The following FHIT variants were observed in gnomAD, a reference collection of about 807,000 sequenced individuals.
FHIT encodes fragile histidine triad diadenosine triphosphatase.
In FHIT, 19 loss-of-function variants were observed where a neutral mutation model predicts 17.9. The ratio of observed to expected loss-of-function variants is 1.06; its 90% CI spans 0.74 to 1.56. The LOEUF is 1.56. Ranked by LOEUF, FHIT falls within the 40% of genes most tolerant of loss-of-function variation. The probability of loss-of-function intolerance (pLI) is 0.00; values close to 1 mark genes in which losing one functional copy is unlikely to be tolerated. For missense variants in FHIT, 248 were observed against 189.2 expected, an observed-to-expected ratio of 1.31 and a Z score of -1.82; for synonymous variants, 81 against 69.7, an observed-to-expected ratio of 1.16 and a Z score of -0.81.
At chr3:61,027,251 A>G (rs1418061358) in intron 3 of FHIT, among the ~76,000 whole-genome samples, 2 of 151,918 alleles carry the variant, frequency 1.3e-5, no homozygotes, top group Non-Finnish European at 2.9e-5. Flanking sequence ...CATACCTGGC[A>G]AATTTTTGTA....
intron 5 of FHIT, among the ~76,000 whole-genome samples, chr3:60,083,270 T>G (rs1354558761): frequency 6.6e-6 from 1 of 152,042 alleles, no homozygotes; most frequent in Non-Finnish European, 1.5e-5. Context: ...CAGTTGGAGG[T>G]GTGAGGTTTT....
chr3:59,915,255 C>T (rs745954177), intron 8 of FHIT, among the ~76,000 whole-genome samples: 7 of 152,130 alleles, frequency 4.6e-5, no homozygotes, highest in Admixed American at 2.0e-4. Flanking sequence ...ACAAGAAAGC[C>T]TGATTCGTGA....
chr3:60,533,791 A>C (rs530184474), intron 5 of FHIT, among the ~76,000 whole-genome samples: 1 of 152,316 alleles, frequency 6.6e-6, no homozygotes, highest in African/African-American at 2.4e-5. Flanking sequence ...CTTAAAAACT[A>C]TTCTAAGGAA....
At chr3:60,386,712 A>G (rs185471115) in intron 5 of FHIT, among the ~76,000 whole-genome samples, 55 of 152,316 alleles carry the variant, frequency 3.6e-4, no homozygotes, top group African/African-American at 1.1e-3. Context: ...TCAGTACTCT[A>G]CCTGCAAAAG....
In FHIT at chr3:59,747,394, T is replaced by C. The variant is rs550966696; in HGVS notation, c.*2191A>G. On this transcript the variant is annotated 3_prime_UTR_variant, in exon 10 of 10. Coordinates refer to ENST00000492590, the MANE Select transcript of FHIT (RefSeq NM_002012.4). ...CAGCGTATTCAGGGGAAATGTCCTT[T>C]ATAAAACCATCACTATCAATCATGA... 1.3e-5 allele frequency among the ~76,000 whole-genome samples: 2 copies of C among 152,020 alleles called. No individual in the cohort carries two copies. The highest frequency in any genetic ancestry group is 2.1e-4 in the South Asian group (1 of 4,818).
chr3:59,757,204 C>G (rs550137769), intron 8 of FHIT, among the ~76,000 whole-genome samples: 1 of 152,194 alleles, frequency 6.6e-6, no homozygotes, highest in Non-Finnish European at 1.5e-5. Context: ...AAGTGCACGC[C>G]AAAGTGACAA....
chr3:60,524,626 G>A lies in FHIT; in HGVS notation c.103+12234C>T, dbSNP rs139154217. ...TGCTGTCATGGTTTTGGAGGCCAGC[G>A]TGGCATCCAGGTGTCAGCAGGGCCA... On this transcript the variant is annotated intron_variant, in intron 5 of 9. Transcript: ENST00000492590. Among the ~76,000 whole-genome samples the A allele has an allele frequency of 4.1e-3, 627 of 152,276 alleles. 3 individuals carry two copies. The highest frequency in any genetic ancestry group is 0.014 in the African/African-American group (602 of 41,540).
At chr3:61,056,816 C>A (rs1273013160) in intron 2 of FHIT, among the ~76,000 whole-genome samples, 2 of 152,156 alleles carry the variant, frequency 1.3e-5, no homozygotes, top group East Asian at 3.8e-4. Context: ...TCTGCATCAG[C>A]TACATAGCAC....
intron 4 of FHIT, among the ~76,000 whole-genome samples, chr3:60,723,566 G>T (rs2041855154): frequency 1.3e-5 from 2 of 152,172 alleles, no homozygotes; most frequent in African/African-American, 4.8e-5. Context: ...CAAACTTGTT[G>T]TCGCAGCTTG....
intron 3 of FHIT, among the ~76,000 whole-genome samples, chr3:60,848,705 G>A (rs1703024625): frequency 6.6e-6 from 1 of 152,144 alleles, no homozygotes; most frequent in Admixed American, 6.5e-5. Flanking sequence ...TTGTTATAAA[G>A]ATGAAATGAG....
intron 3 of FHIT, among the ~76,000 whole-genome samples, chr3:60,907,172 C>A (rs1553764775): frequency 6.6e-6 from 1 of 152,006 alleles, no homozygotes; most frequent in Non-Finnish European, 1.5e-5. Flanking sequence ...AATGGAGTGA[C>A]CTGAAGAATA....
chr3:60,393,423 A>G (rs1263155763), intron 5 of FHIT, among the ~76,000 whole-genome samples: 1 of 149,520 alleles, frequency 6.7e-6, no homozygotes, highest in African/African-American at 2.4e-5. Context: ...ATAATATATA[A>G]TTTTACATAT....
intron 5 of FHIT, among the ~76,000 whole-genome samples, chr3:60,395,781 C>T (rs985266611): frequency 5.9e-5 from 9 of 152,150 alleles, no homozygotes; most frequent in African/African-American, 1.7e-4. Context: ...CTTGGCATCA[C>T]CAAAGAAATG....
At chr3:61,139,362 T>G (rs1160624322) in intron 2 of FHIT, among the ~76,000 whole-genome samples, 1 of 152,164 alleles carries the variant, frequency 6.6e-6, no homozygotes, top group Non-Finnish European at 1.5e-5. Context: ...AGTACATCTT[T>G]GCTATGAACT....
intron 8 of FHIT, among the ~76,000 whole-genome samples, chr3:59,818,250 CG>C (rs780577072): frequency 1.3e-5 from 2 of 152,130 alleles, no homozygotes; most frequent in African/African-American, 2.4e-5. Context: ...CCTCGGCCCA[CG>C]TGGGGCTGTG....
At chr3:60,596,650 G>C (rs1210884142) in intron 4 of FHIT, among the ~76,000 whole-genome samples, 1 of 152,072 alleles carries the variant, frequency 6.6e-6, no homozygotes, top group African/African-American at 2.4e-5. Flanking sequence ...TTCTCACTGG[G>C]ACTGTAAGCT....
chr3:59,861,943 G>A (rs1702423610), intron 8 of FHIT, among the ~76,000 whole-genome samples: 1 of 151,904 alleles, frequency 6.6e-6, no homozygotes, highest in Admixed American at 6.5e-5. Flanking sequence ...AAAGGATTAT[G>A]TGATGTAATT....
At chr3:59,886,555 C>T (rs1312991174) in intron 8 of FHIT, among the ~76,000 whole-genome samples, 1 of 152,116 alleles carries the variant, frequency 6.6e-6, no homozygotes, top group Non-Finnish European at 1.5e-5. Context: ...GCTGTGTGTG[C>T]AGAGATCACA....
At chr3:60,594,186 C>CT (rs2038184278) in intron 4 of FHIT, among the ~76,000 whole-genome samples, 1 of 152,144 alleles carries the variant, frequency 6.6e-6, no homozygotes, top group Non-Finnish European at 1.5e-5. Flanking sequence ...AAACAGTACA[C>CT]TGGCAAACTG....
Sources: gnomAD v4.1 joint callset for allele counts (sites outside exome capture counted in the v4.1 genomes callset) on GRCh38, gnomAD v4.1.1 for gene constraint, MANE v1.5 for transcripts, NCBI Gene and HGNC (gene_info 2026-07-23, HGNC 2026-07-21) for gene names.